Variants in INPP5B observed in about 807,000 individuals in gnomAD.
INPP5B encodes inositol polyphosphate-5-phosphatase B.
INPP5B carries 90 observed loss-of-function variants against 118.5 expected under a neutral mutation model. The ratio of observed to expected loss-of-function variants is 0.76; its 90% CI spans 0.64 to 0.90. The LOEUF is 0.90. Among genes scored for constraint, INPP5B ranks in the 40% least tolerant of loss-of-function variants. The pLI is 0.00. For synonymous variants in INPP5B, 385 were observed against 418.9 expected, an observed-to-expected ratio of 0.92 and a Z score of 0.99; for missense variants, 984 against 1,125.6, an observed-to-expected ratio of 0.87 and a Z score of 1.80.
chr1:37,880,277 G>T, intron 14 of INPP5B, 83 bp from the exon 15 acceptor site: 1 of 1,015,372 alleles, frequency 9.8e-7, no homozygotes. Context: ...TATCAATCTG[G>T]AATTCAAACT....
At chr1:37,892,852 G>A (rs1230443210) in intron 7 of INPP5B, among the ~76,000 whole-genome samples, 1 of 152,008 alleles carries the variant, frequency 6.6e-6, no homozygotes, top group Non-Finnish European at 1.5e-5. Context: ...TCATGATTGG[G>A]ATTAGTGCCC....
intron 6 of INPP5B, among the ~76,000 whole-genome samples, chr1:37,937,458 C>T (rs989416548): frequency 1.3e-5 from 2 of 151,988 alleles, no homozygotes; most frequent in Non-Finnish European, 2.9e-5. Context: ...GTGGTAAAAC[C>T]CCATCTCTAC....
intron 7 of INPP5B, among the ~76,000 whole-genome samples, chr1:37,895,311 A>G (rs1643986906): frequency 6.6e-6 from 1 of 152,194 alleles, no homozygotes; most frequent in Non-Finnish European, 1.5e-5. Flanking sequence ...TGTTCTACCC[A>G]TGACACTCCT....
intron 21 of INPP5B, 49 bp downstream of exon 21, chr1:37,866,398 TCTCTCTCTCACA>T (rs957234939): frequency 1.5e-4 from 109 of 723,768 alleles, no homozygotes; most frequent in Middle Eastern, 4.6e-4. Context: ...TCTCTCTCTC[TCTCTCTCTCACA>T]CACACACACA....
At chr1:37,869,038 G>A (rs1642231462) in intron 19 of INPP5B, among the ~76,000 whole-genome samples, 1 of 151,950 alleles carries the variant, frequency 6.6e-6, no homozygotes, top group Non-Finnish European at 1.5e-5. Context: ...TGTCACCCAG[G>A]CTGGAGTGCA....
intron 7 of INPP5B, among the ~76,000 whole-genome samples, chr1:37,896,426 G>C (rs1369514399): frequency 6.6e-6 from 1 of 151,352 alleles, no homozygotes; most frequent in Non-Finnish European, 1.5e-5. Context: ...GGAGGTGGGG[G>C]GGTCAGCCCC....
At chr1:37,893,613 C>A (rs1023362414) in intron 7 of INPP5B, among the ~76,000 whole-genome samples, 3 of 152,096 alleles carry the variant, frequency 2.0e-5, no homozygotes, top group African/African-American at 7.2e-5. Context: ...CTCACCCCAC[C>A]CTCTCCAACC....
At chr1:37,896,500 G>T (rs1343153734) in intron 7 of INPP5B, among the ~76,000 whole-genome samples, 1 of 80,332 alleles carries the variant, frequency 1.2e-5, no homozygotes, top group Non-Finnish European at 2.8e-5. Context: ...CCGGCCAGCC[G>T]CCCCGTCCGG....
chr1:37,903,196 C>T (rs1261780021), intron 7 of INPP5B, among the ~76,000 whole-genome samples: 1 of 152,062 alleles, frequency 6.6e-6, no homozygotes, highest in Non-Finnish European at 1.5e-5. Context: ...TGAGGGTCGG[C>T]ACAAGGCACA....
intron 7 of INPP5B, chr1:37,931,461 C>G (rs1343008427): frequency 3.3e-6 from 5 of 1,531,658 alleles, no homozygotes; most frequent in Admixed American, 3.9e-5. Context: ...TCCCAAGTAC[C>G]CCATTCCCAC....
chr1:37,903,786 A>G (rs993583405), intron 7 of INPP5B, among the ~76,000 whole-genome samples: 1 of 152,032 alleles, frequency 6.6e-6, no homozygotes, highest in Non-Finnish European at 1.5e-5. Context: ...GCTACTTGGG[A>G]GGCTGAAGCA....
At chr1:37,941,754 C>T (rs1473723636) in intron 5 of INPP5B, among the ~76,000 whole-genome samples, 5 of 145,292 alleles carry the variant, frequency 3.4e-5, no homozygotes, top group Admixed American at 7.0e-5. Context: ...CTGGCTAACA[C>T]GGTGAAACCC....
chr1:37,912,622 T>G (rs892825141), intron 7 of INPP5B, among the ~76,000 whole-genome samples: 1 of 152,174 alleles, frequency 6.6e-6, no homozygotes, highest in Non-Finnish European at 1.5e-5. Context: ...GGTTTACGCT[T>G]TTCCTCCAAA....
intron 7 of INPP5B, among the ~76,000 whole-genome samples, chr1:37,903,717 A>T (rs1049638578): frequency 9.6e-5 from 7 of 73,000 alleles, no homozygotes; most frequent in Non-Finnish European, 2.4e-4. Flanking sequence ...ACAGAGAGAG[A>T]CTCCGTCTCA....
chr1:37,924,965 G>T (rs1187902929), intron 7 of INPP5B, among the ~76,000 whole-genome samples: 3 of 152,202 alleles, frequency 2.0e-5, no homozygotes, highest in Non-Finnish European at 2.9e-5. Flanking sequence ...CCTGAAATCA[G>T]GAGTTCAAGA....
intron 6 of INPP5B, among the ~76,000 whole-genome samples, chr1:37,935,408 G>T (rs768589606): frequency 7.9e-5 from 12 of 151,182 alleles, no homozygotes; most frequent in Non-Finnish European, 1.6e-4. Context: ...TGGTCAGGCT[G>T]GTCTTGAACT....
chr1:37,879,058 G>A (rs1205021488), intron 15 of INPP5B, among the ~76,000 whole-genome samples: 1 of 151,788 alleles, frequency 6.6e-6, no homozygotes, highest in East Asian at 2.0e-4. Flanking sequence ...GAGGTCATGA[G>A]GTCAAGAGAT....
intron 6 of INPP5B, among the ~76,000 whole-genome samples, chr1:37,939,627 T>C (rs992712701): frequency 1.3e-5 from 2 of 150,418 alleles, no homozygotes; most frequent in African/African-American, 4.8e-5. Flanking sequence ...TTATTTTTAG[T>C]AGAGACGGGG....
At chr1:37,933,345 C>G (rs1427994268) in intron 6 of INPP5B, among the ~76,000 whole-genome samples, 11 of 152,024 alleles carry the variant, frequency 7.2e-5, no homozygotes, top group Non-Finnish European at 1.0e-4. Context: ...TCAGGAGATC[C>G]AGACCATCCT....
Sources: allele counts gnomAD v4.1 joint callset (sites outside exome capture counted in the v4.1 genomes callset), GRCh38; gene constraint gnomAD v4.1.1; transcripts MANE v1.5; gene names NCBI Gene and HGNC (gene_info 2026-07-23, HGNC 2026-07-21).